The following FRMPD1 variants were observed in gnomAD, a reference collection of about 807,000 sequenced individuals.
FRMPD1 encodes FERM and PDZ domain containing 1, also known as FERM and PDZ domain-containing protein 1.
FRMPD1 carries 76 observed loss-of-function variants against 117.8 expected under a neutral mutation model. That is an observed-to-expected ratio of 0.65 (90% confidence interval 0.54 to 0.78). FRMPD1 has a LOEUF of 0.78. Ranked by LOEUF, FRMPD1 falls within the 30% of genes least tolerant of loss-of-function variation. The pLI, the probability that FRMPD1 is intolerant of heterozygous loss-of-function variation, is 0.00. For missense variants in FRMPD1, 1,786 were observed against 1,964.5 expected (o/e 0.91, Z 1.72); for synonymous variants, 783 against 770.4 (o/e 1.02, Z -0.27).
chr9:37,687,216 G>A (rs1821981129), intron 1 of FRMPD1, among the ~76,000 whole-genome samples: 1 of 152,182 alleles, frequency 6.6e-6, no homozygotes, highest in African/African-American at 2.4e-5. Flanking sequence ...AGTCTGAGCT[G>A]GAGTCCCCCA....
At chr9:37,663,900 A>C (rs1821074237) in intron 1 of FRMPD1, among the ~76,000 whole-genome samples, 1 of 152,218 alleles carries the variant, frequency 6.6e-6, no homozygotes, top group Non-Finnish European at 1.5e-5. Flanking sequence ...GAATAATGAC[A>C]AGAAAAAGTC....
the FRMPD1 span, among the ~76,000 whole-genome samples, chr9:37,637,657 A>G: frequency 2.0e-5 from 3 of 152,238 alleles, no homozygotes; most frequent in South Asian, 2.1e-4. Context: ...TTCACTTAGC[A>G]TAAGCATAGA....
At chr9:37,667,080 C>CTTTTTTTTTTT (rs1821184746) in intron 1 of FRMPD1, among the ~76,000 whole-genome samples, 2 of 41,726 alleles carry the variant, frequency 4.8e-5, no homozygotes, top group African/African-American at 4.6e-4. Context: ...TTTTTTTTTC[C>CTTTTTTTTTTT]TGAGACAGGG....
intron 15 of FRMPD1, among the ~76,000 whole-genome samples, chr9:37,741,254 C>T (rs1037127571): frequency 6.6e-6 from 1 of 152,038 alleles, no homozygotes; most frequent in Non-Finnish European, 1.5e-5. Context: ...GATCCTGAGG[C>T]TGCATTAAAG....
intron 9 of FRMPD1, among the ~76,000 whole-genome samples, chr9:37,731,535 T>A (rs373305394): frequency 3.9e-5 from 6 of 152,140 alleles, no homozygotes; most frequent in African/African-American, 1.2e-4. Context: ...CTATTCTACC[T>A]CCTTAGATGA....
At chr9:37,671,805 A>C (rs1404274138) in intron 1 of FRMPD1, among the ~76,000 whole-genome samples, 1 of 152,106 alleles carries the variant, frequency 6.6e-6, no homozygotes, top group East Asian at 1.9e-4. Flanking sequence ...ATCTCTACTA[A>C]AAATACAAAA....
At chr9:37,730,898 T>A (rs1823836721) in intron 8 of FRMPD1, 86 bp from the exon 9 acceptor site, 2 of 1,347,666 alleles carry the variant, frequency 1.5e-6, no homozygotes, top group Admixed American at 1.7e-5. Context: ...TCTTTCACTG[T>A]CTGTGTTTTA....
At chr9:37,668,479 T>G (rs992011686) in intron 1 of FRMPD1, 3 of 152,262 alleles carry the variant, frequency 2.0e-5, no homozygotes, top group Non-Finnish European at 4.4e-5. Flanking sequence ...TCTTTAAAAA[T>G]AGCTGTGTGC....
At chr9:37,606,641 T>C in the FRMPD1 span, among the ~76,000 whole-genome samples, 11 of 152,332 alleles carry the variant, frequency 7.2e-5, no homozygotes, top group Non-Finnish European at 1.3e-4. Flanking sequence ...GCTGGAAATA[T>C]AAAACTAAAA....
chr9:37,640,098 C>A, the FRMPD1 span, among the ~76,000 whole-genome samples: 256 of 152,268 alleles, frequency 1.7e-3, no homozygotes, highest in Non-Finnish European at 3.0e-3. Context: ...GGTTTAACTG[C>A]TGTGTGTTCC....
chr9:37,664,729 T>G (rs1373054381), intron 1 of FRMPD1, among the ~76,000 whole-genome samples: 1 of 152,082 alleles, frequency 6.6e-6, no homozygotes, highest in Non-Finnish European at 1.5e-5. Flanking sequence ...TCTGGAATAA[T>G]CAAAGAACTA....
In FRMPD1 at chr9:37,746,406, C is replaced by A. The variant is rs1042233890; in HGVS notation, c.4374C>A (p.Ser1458Arg). 4 of 1,613,030 alleles carry A rather than the reference C, an allele frequency of 2.5e-6. No individual in the cohort carries two copies. In the African/African-American group the frequency reaches 5.3e-5, roughly 22 times the overall value. The change falls in exon 16 of 16, where the codon AGC becomes AGA. Residue 1458 changes from serine (S) to arginine (R), a missense_variant. Coordinates refer to ENST00000377765, the MANE Select transcript of FRMPD1 (RefSeq NM_014907.3). ...PEKCTWHFTE[S>R]RSRLCMGSQK... ...AGTGCACCTGGCACTTTACCGAAAG[C>A]CGGAGCCGCCTCTGCATGGGCTCCC...
At chr9:37,696,037 T>C (rs573410165) in intron 2 of FRMPD1, among the ~76,000 whole-genome samples, 6 of 144,968 alleles carry the variant, frequency 4.1e-5, no homozygotes, top group African/African-American at 1.3e-4. Flanking sequence ...TGCTCACCGT[T>C]CTCCATTGTT....
intron 2 of FRMPD1, among the ~76,000 whole-genome samples, chr9:37,694,736 A>G (rs1253379759): frequency 6.6e-6 from 1 of 152,062 alleles, no homozygotes. Flanking sequence ...TGGATATTTC[A>G]CATAAATGGA....
At chr9:37,735,777 T>G (rs1418363538) in intron 13 of FRMPD1, 43 bp downstream of exon 13, 1 of 1,446,636 alleles carries the variant, frequency 6.9e-7, no homozygotes, top group Non-Finnish European at 9.7e-7. Context: ...TGCTGGAATT[T>G]GGGGCCAAAT....
the FRMPD1 span, among the ~76,000 whole-genome samples, chr9:37,606,917 AG>A: frequency 9.2e-5 from 14 of 152,132 alleles, no homozygotes; most frequent in Non-Finnish European, 1.5e-5. Context: ...TGAGACCCTG[AG>A]GGGTTAGTCC....
chr9:37,731,179 C>T lies in FRMPD1; in HGVS notation c.858+76C>T, dbSNP rs1030772799. 4.4e-6 allele frequency: 6 copies of T among 1,375,658 alleles called. No homozygotes were observed. In the African/African-American group the frequency reaches 8.6e-5, roughly 20 times the overall value. The allele number at this position is 1,375,658 out of a possible 1,614,324, so 85.2% of individuals were successfully genotyped here. A position where few individuals can be genotyped will look rare whatever the true frequency, so the allele number is the denominator to read the frequency against. On this transcript the variant is annotated intron_variant, in intron 9 of 15. Transcript: ENST00000377765. ...TGCACTGGGTGATTTTGAACGTGAG[C>T]TCGAGGCCATTAAACAACTCCCTGG...
chr9:37,642,609 C>T, the FRMPD1 span, among the ~76,000 whole-genome samples: 29 of 152,210 alleles, frequency 1.9e-4, no homozygotes, highest in African/African-American at 5.5e-4. Context: ...TTGGCAAGGA[C>T]GATTTGTGGG....
the FRMPD1 span, chr9:37,636,934 G>A: frequency 2.9e-5 from 46 of 1,607,510 alleles, no homozygotes; most frequent in Non-Finnish European, 3.7e-5. Context: ...CGCTCTTGTT[G>A]CCCACCAGGA....
Sources: allele counts gnomAD v4.1 joint callset (sites outside exome capture counted in the v4.1 genomes callset), GRCh38; gene constraint gnomAD v4.1.1; transcripts MANE v1.5; gene names NCBI Gene and HGNC (gene_info 2026-07-23, HGNC 2026-07-21).